Variants in KCNH8 observed in about 807,000 individuals in gnomAD.
KCNH8 encodes the protein voltage-gated delayed rectifier potassium channel KCNH8.
In KCNH8, 70 loss-of-function variants were observed where a neutral mutation model predicts 103.6. The ratio of observed to expected loss-of-function variants is 0.68; its 90% CI spans 0.56 to 0.82. The LOEUF (loss-of-function observed/expected upper bound fraction) is 0.82, where lower values mean the gene tolerates loss of function less well. Ranked by LOEUF, KCNH8 falls within the 40% of genes least tolerant of loss-of-function variation. KCNH8 has a pLI of 0.00. For missense variants in KCNH8, 1,217 were observed against 1,329.9 expected (o/e 0.92, Z 1.32); for synonymous variants, 498 against 489.4 (o/e 1.02, Z -0.23).
intron 12 of KCNH8, among the ~76,000 whole-genome samples, chr3:19,512,401 G>A (rs574838760): frequency 2.8e-4 from 43 of 152,274 alleles, no homozygotes; most frequent in African/African-American, 8.7e-4. Context: ...TCTTGCTAGT[G>A]ACTGGAAAGA....
intron 3 of KCNH8, among the ~76,000 whole-genome samples, chr3:19,299,573 T>C (rs944868753): frequency 4.6e-5 from 7 of 152,062 alleles, no homozygotes; most frequent in Non-Finnish European, 7.4e-5. Context: ...CATTTTTAAA[T>C]CTCTACAACA....
At chr3:19,510,110 T>G (rs765690133) in intron 11 of KCNH8, among the ~76,000 whole-genome samples, 2 of 152,146 alleles carry the variant, frequency 1.3e-5, no homozygotes, top group African/African-American at 2.4e-5. Flanking sequence ...GACATTCAAC[T>G]TGGTGCTCCT....
At chr3:19,270,709 G>C (rs554139555) in intron 2 of KCNH8, among the ~76,000 whole-genome samples, 27 of 152,242 alleles carry the variant, frequency 1.8e-4, no homozygotes, top group Non-Finnish European at 3.5e-4. Context: ...ACAAGTCTTC[G>C]TTAAGAGTTG....
intron 1 of KCNH8, among the ~76,000 whole-genome samples, chr3:19,208,623 A>G (rs59995793): frequency 0.042 from 6,368 of 152,026 alleles, 464 homozygotes; most frequent in African/African-American, 0.14. Flanking sequence ...TTCCAAGCCC[A>G]TTGGTGAGAA....
chr3:19,497,859 T>G (rs2068477873), intron 11 of KCNH8, among the ~76,000 whole-genome samples: 1 of 152,140 alleles, frequency 6.6e-6, no homozygotes, highest in South Asian at 2.1e-4. Flanking sequence ...CCCACTACTA[T>G]TATGTGGGAA....
intron 15 of KCNH8, among the ~76,000 whole-genome samples, chr3:19,525,184 T>A (rs1274092658): frequency 6.6e-6 from 1 of 151,794 alleles, no homozygotes; most frequent in Non-Finnish European, 1.5e-5. Context: ...TAATATAACA[T>A]AAATATATAT....
chr3:19,292,385 T>C (rs933034260), intron 3 of KCNH8, among the ~76,000 whole-genome samples: 1 of 152,174 alleles, frequency 6.6e-6, no homozygotes, highest in African/African-American at 2.4e-5. Flanking sequence ...CATTTCTTGG[T>C]TGTCTAAGTG....
chr3:19,284,298 T>C (rs1172016566), intron 3 of KCNH8, among the ~76,000 whole-genome samples: 1 of 152,114 alleles, frequency 6.6e-6, no homozygotes, highest in African/African-American at 2.4e-5. Context: ...GAGATATAAA[T>C]GGCATGGACT....
chr3:19,513,350 T>C, intron 13 of KCNH8, 25 bp downstream of exon 13: 2 of 1,552,790 alleles, frequency 1.3e-6, no homozygotes, highest in Non-Finnish European at 1.7e-6. Context: ...CATATAACTT[T>C]CTCACGTGAA....
rs368022511 is a variant in KCNH8 at position 19,477,493 on chromosome 3, A to C, written c.2040+20511A>C. 1.1e-3 allele frequency among the ~76,000 whole-genome samples: 165 copies of C among 151,388 alleles called. 2 individuals are homozygous for C. In the South Asian group the frequency reaches 0.033, roughly 31 times the overall value. On this transcript the variant is annotated intron_variant, in intron 11 of 15. Transcript: ENST00000328405. ...GGAAGGGGACCCTGAAGTTGAAGGGATATGAGGCTTACACTGCCCAACAGG... is the reference window on the plus strand; with the variant it reads ...GGAAGGGGACCCTGAAGTTGAAGGGCTATGAGGCTTACACTGCCCAACAGG...
At chr3:19,428,891 T>C (rs1331670579) in intron 7 of KCNH8, among the ~76,000 whole-genome samples, 1 of 152,184 alleles carries the variant, frequency 6.6e-6, no homozygotes, top group Non-Finnish European at 1.5e-5. Context: ...CTCTTCTGCA[T>C]TTCGCTGTGT....
intron 5 of KCNH8, 121 bp from the exon 6 acceptor site, chr3:19,390,360 C>T (rs2066418563): frequency 1.4e-6 from 1 of 719,272 alleles, no homozygotes; most frequent in African/African-American, 1.8e-5. Flanking sequence ...TTCCTCCCTT[C>T]CTTCCTGCTT....
chr3:19,169,964 C>T lies in KCNH8; in HGVS notation c.76+21169C>T, dbSNP rs149944150. On this transcript the variant is annotated intron_variant, in intron 1 of 15. Transcript: ENST00000328405. ...AAAAAAAAGAAACCACGTATTATCT[C>T]ATTTATTTTTCACAAATACCAACTA... 2.4e-3 allele frequency among the ~76,000 whole-genome samples: 359 copies of T among 152,288 alleles called. 3 individuals are homozygous for T. The highest frequency in any genetic ancestry group is 8.0e-3 in the African/African-American group (334 of 41,570).
chr3:19,377,329 C>G (rs1320053852), intron 5 of KCNH8, among the ~76,000 whole-genome samples: 1 of 152,118 alleles, frequency 6.6e-6, no homozygotes, highest in Non-Finnish European at 1.5e-5. Context: ...CTGATCAGGG[C>G]ATTGAGTGGA....
At chr3:19,353,476 A>G (rs1370776917) in intron 5 of KCNH8, among the ~76,000 whole-genome samples, 6 of 152,192 alleles carry the variant, frequency 3.9e-5, no homozygotes, top group African/African-American at 1.2e-4. Flanking sequence ...TCAATGCAAA[A>G]ATCCTCAATA....
intron 11 of KCNH8, among the ~76,000 whole-genome samples, chr3:19,501,865 C>G (rs1398204221): frequency 6.6e-6 from 1 of 152,078 alleles, no homozygotes; most frequent in Admixed American, 6.6e-5. Context: ...AAAACTGGCA[C>G]AAGACAGGGA....
intron 5 of KCNH8, among the ~76,000 whole-genome samples, chr3:19,385,923 G>T (rs1445570750): frequency 6.6e-6 from 1 of 152,076 alleles, no homozygotes; most frequent in Non-Finnish European, 1.5e-5. Flanking sequence ...TTTGTATGTG[G>T]TGCATATGCT....
At chr3:19,286,558 C>T (rs2064834782) in intron 3 of KCNH8, among the ~76,000 whole-genome samples, 1 of 152,122 alleles carries the variant, frequency 6.6e-6, no homozygotes, top group Non-Finnish European at 1.5e-5. Flanking sequence ...GTACAGTCTC[C>T]CTTGGTGTCA....
At chr3:19,501,760 T>C (rs2068588137) in intron 11 of KCNH8, among the ~76,000 whole-genome samples, 1 of 152,208 alleles carries the variant, frequency 6.6e-6, no homozygotes, top group South Asian at 2.1e-4. Flanking sequence ...AAATTAGGTA[T>C]TGATGTGACG....
Sources: allele counts gnomAD v4.1 joint callset (sites outside exome capture counted in the v4.1 genomes callset), GRCh38; gene constraint gnomAD v4.1.1; transcripts MANE v1.5; gene names NCBI Gene and HGNC (gene_info 2026-07-23, HGNC 2026-07-21).